Variants in MOK observed in about 807,000 individuals in gnomAD.
MOK encodes the protein MAPK/MAK/MRK overlapping kinase.
A neutral mutation model predicts 54.2 loss-of-function variants in MOK; 59 were observed. The ratio of observed to expected loss-of-function variants is 1.09; its 90% CI spans 0.88 to 1.35. The LOEUF is 1.35. MOK is among the 40% of genes most tolerant of loss of function. MOK has a pLI of 0.00. For synonymous variants in MOK, 210 were observed against 202.7 expected (o/e 1.04, Z -0.31); for missense variants, 517 against 526.2 (o/e 0.98, Z 0.17).
chr14:102,271,519 C>T (rs542845983), intron 2 of MOK, among the ~76,000 whole-genome samples: 1 of 152,330 alleles, frequency 6.6e-6, no homozygotes, highest in South Asian at 2.1e-4. Context: ...CACTTCCCAA[C>T]TTGTTCTGTT....
intron 7 of MOK, among the ~76,000 whole-genome samples, chr14:102,237,389 C>T (rs1271088834): frequency 6.6e-6 from 1 of 152,184 alleles, no homozygotes; most frequent in Admixed American, 6.5e-5. Context: ...GTTCAACTTT[C>T]CCCTGGGACC....
chr14:102,245,571 T>A lies in MOK; in HGVS notation c.590+5241A>T, dbSNP rs1684525775. ...TGAGCACCTTGTGACCCCCTCCGCC[T>A]GCCCCTGCCCACCGGAGAACAACCC... On this transcript the variant is annotated intron_variant, in intron 7 of 11. Coordinates refer to ENST00000361847, the MANE Select transcript of MOK (RefSeq NM_014226.3). This position sits in a 1 kb window ranked among gnomAD's most constrained non-coding sequence, Gnocchi z 4.3. Among the ~76,000 whole-genome samples, 1 of 151,996 alleles carries A rather than the reference T, an allele frequency of 6.6e-6. No individual in the cohort carries two copies.
At chr14:102,280,455 C>T (rs1432353757) in intron 2 of MOK, among the ~76,000 whole-genome samples, 1 of 152,150 alleles carries the variant, frequency 6.6e-6, no homozygotes, top group African/African-American at 2.4e-5. Context: ...AAGCAATTCT[C>T]CCACCTAGGC....
chr14:102,289,334 C>T (rs187005476), intron 1 of MOK, among the ~76,000 whole-genome samples: 2 of 151,848 alleles, frequency 1.3e-5, no homozygotes, highest in African/African-American at 4.8e-5. Flanking sequence ...GGGAAAATCA[C>T]AAAGAAACAC....
intron 1 of MOK, among the ~76,000 whole-genome samples, chr14:102,294,445 CAAA>C (rs540805039): frequency 6.2e-5 from 4 of 64,032 alleles, no homozygotes; most frequent in Non-Finnish European, 6.5e-5. Context: ...GACTCCGTCT[CAAA>C]AAAAAAAAAA....
intron 1 of MOK, among the ~76,000 whole-genome samples, chr14:102,289,793 C>T (rs978593001): frequency 4.6e-5 from 7 of 152,210 alleles, no homozygotes; most frequent in African/African-American, 4.8e-5. Context: ...AGGCGTGAGC[C>T]ACTGCACCCA....
rs1207384650 is a variant in MOK at position 102,305,147 on chromosome 14, T to C, written c.-179A>G. ...CCGCCATGTTGTGTCCCTGTCACCC[T>C]AGCAACCGTCAGGCCCTGAACGCCA... is the stretch of plus-strand genomic sequence containing the variant. On this transcript the variant is annotated 5_prime_UTR_variant, in exon 1 of 12. Transcript: ENST00000361847. 6.4e-5 allele frequency: 48 copies of C among 750,698 alleles called. No individual in the cohort carries two copies. The highest frequency in any genetic ancestry group is 2.3e-4 in the Admixed American group (10 of 43,318). 46.5% of individuals were successfully genotyped at this position (750,698 alleles called of 1,614,324 possible).
intron 1 of MOK, among the ~76,000 whole-genome samples, chr14:102,294,256 C>G (rs539508410): frequency 5.7e-4 from 87 of 151,894 alleles, no homozygotes; most frequent in Non-Finnish European, 9.9e-4. Context: ...ACCATCCTGG[C>G]TAACATGGTG....
chr14:102,298,894 C>A (rs2071793541), intron 1 of MOK, among the ~76,000 whole-genome samples: 1 of 152,148 alleles, frequency 6.6e-6, no homozygotes, highest in Non-Finnish European at 1.5e-5. Context: ...TGAACAAGTC[C>A]AGATGCGCCG....
At chr14:102,254,940 A>G (rs2066815810) in intron 4 of MOK, among the ~76,000 whole-genome samples, 1 of 152,240 alleles carries the variant, frequency 6.6e-6, no homozygotes, top group Admixed American at 6.5e-5. Context: ...CTCGTATCAT[A>G]AAATTGTCAT....
intron 7 of MOK, among the ~76,000 whole-genome samples, chr14:102,242,130 C>T (rs917384705): frequency 6.6e-6 from 1 of 152,206 alleles, no homozygotes; most frequent in Non-Finnish European, 1.5e-5. Flanking sequence ...GCCTCGGAAG[C>T]CTCCTGGACC....
chr14:102,219,079 A>G, the MOK span, among the ~76,000 whole-genome samples: 1 of 152,222 alleles, frequency 6.6e-6, no homozygotes, highest in South Asian at 2.1e-4. Flanking sequence ...CCATTTGGGC[A>G]GTGGATCCCC....
chr14:102,222,791 G>A (rs958048191), downstream of MOK: 21 of 1,613,350 alleles, frequency 1.3e-5, no homozygotes, highest in Non-Finnish European at 1.7e-5. The surrounding 1 kb of genome is among the most constrained non-coding windows in gnomAD (Gnocchi z 4.4). Context: ...TTGCCCGTCC[G>A]GTGTTTTGCT....
chr14:102,281,814 T>C (rs939148098), intron 2 of MOK, among the ~76,000 whole-genome samples: 2 of 151,992 alleles, frequency 1.3e-5, no homozygotes, highest in Non-Finnish European at 2.9e-5. Flanking sequence ...GGTTTACAAG[T>C]AAAGATGGAG....
In MOK at chr14:102,283,574, T is replaced by G. The variant is rs1193208049; in HGVS notation, c.26A>C (p.Lys9Thr). The G allele has an allele frequency of 6.2e-7, 1 of 1,612,178 alleles. No homozygotes were observed. The highest frequency in any genetic ancestry group is 8.5e-7 in the Non-Finnish European group (1 of 1,178,842). Residue 9 changes from lysine to threonine, a missense_variant, in exon 2 of 12, where the codon AAA (lysine) becomes ACA (threonine). Lys to Thr is a moderately conservative substitution (Grantham distance 78). Transcript: ENST00000361847. MKNYKAIG[K>T]IGEGTFSEVM... ...TTCAGAAAACGTTCCCTCTCCTATT[T>G]TGCCAATTGCTTTATAGTCTATAAA...
At chr14:102,275,550 C>T (rs1243355625) in intron 2 of MOK, among the ~76,000 whole-genome samples, 7 of 127,598 alleles carry the variant, frequency 5.5e-5, no homozygotes, top group African/African-American at 1.6e-4. Flanking sequence ...GGTGACAGAG[C>T]GAGACTCCAT....
intron 1 of MOK, among the ~76,000 whole-genome samples, chr14:102,290,917 G>A (rs1409633695): frequency 6.6e-6 from 1 of 152,162 alleles, no homozygotes; most frequent in East Asian, 1.9e-4. Flanking sequence ...GAGAACACCA[G>A]TTAACATCCC....
At chr14:102,260,923 C>T (rs1346952713) in intron 4 of MOK, among the ~76,000 whole-genome samples, 2 of 151,930 alleles carry the variant, frequency 1.3e-5, no homozygotes, top group African/African-American at 2.4e-5. Flanking sequence ...GAGATTGAGA[C>T]CATCCTGGCT....
At chr14:102,259,621 G>T (rs796434997) in intron 4 of MOK, among the ~76,000 whole-genome samples, 1 of 152,150 alleles carries the variant, frequency 6.6e-6, no homozygotes, top group African/African-American at 2.4e-5. Flanking sequence ...ATGGGTGGTG[G>T]TTAAGAACAT....
Sources: allele counts gnomAD v4.1 joint callset (sites outside exome capture counted in the v4.1 genomes callset), GRCh38; gene constraint gnomAD v4.1.1; non-coding constraint Gnocchi (gnomAD v3.1); transcripts MANE v1.5; gene names NCBI Gene and HGNC (gene_info 2026-07-23, HGNC 2026-07-21).